The following OSBPL6 variants were observed in gnomAD, a reference collection of about 807,000 sequenced individuals.
OSBPL6 encodes the protein oxysterol-binding protein-related protein 6.
A neutral mutation model predicts 125.8 loss-of-function variants in OSBPL6; 49 were observed. That is an observed-to-expected ratio of 0.39 (90% CI 0.31 to 0.49). The LOEUF (loss-of-function observed/expected upper bound fraction) is 0.49, where lower values mean the gene tolerates loss of function less well. OSBPL6 is among the 20% of genes least tolerant of loss of function. The pLI is 0.88. For synonymous variants in OSBPL6, 394 were observed against 391.8 expected (o/e 1.01, Z -0.07); for missense variants, 986 against 1,135.4 (o/e 0.87, Z 1.89).
chr2:178,255,441 G>T (rs1338025730), intron 1 of OSBPL6, among the ~76,000 whole-genome samples: 1 of 152,226 alleles, frequency 6.6e-6, no homozygotes, highest in Non-Finnish European at 1.5e-5. Flanking sequence ...GCTCCCCAGG[G>T]ATTCAGTTAC....
chr2:178,336,221 G>T, intron 8 of OSBPL6, 80 bp from the exon 9 acceptor site: 1 of 1,485,910 alleles, frequency 6.7e-7, no homozygotes, highest in South Asian at 1.3e-5. Flanking sequence ...TTGTTAATAC[G>T]GTTTTGAGGA....
intron 2 of OSBPL6, among the ~76,000 whole-genome samples, chr2:178,288,488 C>T (rs1347524782): frequency 6.6e-6 from 1 of 152,106 alleles, no homozygotes; most frequent in Non-Finnish European, 1.5e-5. Flanking sequence ...GCCCAAACAC[C>T]TGAAAGATTT....
intron 16 of OSBPL6, 163 bp from the exon 17 acceptor site, chr2:178,382,861 T>C (rs1694609657): frequency 7.2e-7 from 1 of 1,393,116 alleles, no homozygotes; most frequent in Non-Finnish European, 9.5e-7. Context: ...TTTCTGCATT[T>C]ATTAGCAACC....
intron 12 of OSBPL6, among the ~76,000 whole-genome samples, chr2:178,360,058 C>G (rs1692189015): frequency 6.8e-6 from 1 of 147,878 alleles, no homozygotes; most frequent in South Asian, 2.3e-4. Context: ...GCACTCCATC[C>G]TGGGTGACAA....
chr2:178,309,773 C>T (rs1486529184), intron 3 of OSBPL6, among the ~76,000 whole-genome samples: 1 of 152,142 alleles, frequency 6.6e-6, no homozygotes, highest in African/African-American at 2.4e-5. Flanking sequence ...CATTAAGCTG[C>T]AATAAACATA....
At position 178,361,769 on chromosome 2, in the gene OSBPL6, A is replaced by AAGGCCACAGCAC; in HGVS notation, c.1242_1253dup (p.Gly415_Thr418dup). The AAGGCCACAGCAC allele has an allele frequency of 6.2e-7, 1 of 1,614,156 alleles. No homozygotes were observed. The highest frequency in any genetic ancestry group is 8.5e-7 in the Non-Finnish European group (1 of 1,180,012). On this transcript the variant is annotated inframe_insertion, in exon 13 of 25. Coordinates refer to ENST00000190611, the MANE Select transcript of OSBPL6 (RefSeq NM_032523.4). ...ATGGTTTCCGAGCAGGATCACAGTAAAGGCCACAGCACGCAGATGGCACGG... is the reference window on the plus strand; with the variant it reads ...ATGGTTTCCGAGCAGGATCACAGTAAAGGCCACAGCACAGGCCACAGCACGCAGATGGCACGG...
intron 1 of OSBPL6, among the ~76,000 whole-genome samples, chr2:178,220,912 T>A (rs559678345): frequency 6.6e-6 from 1 of 152,260 alleles, no homozygotes; most frequent in Admixed American, 6.5e-5. Flanking sequence ...TAACAGGACA[T>A]GGCTGGAGTG....
chr2:178,229,872 G>A (rs772850498), intron 1 of OSBPL6, among the ~76,000 whole-genome samples: 2 of 152,140 alleles, frequency 1.3e-5, no homozygotes, highest in Admixed American at 6.5e-5. Flanking sequence ...AATGCAAATA[G>A]CAACTCAGAC....
chr2:178,255,168 G>T (rs946321907), intron 1 of OSBPL6, among the ~76,000 whole-genome samples: 1 of 152,198 alleles, frequency 6.6e-6, no homozygotes, highest in Non-Finnish European at 1.5e-5. Flanking sequence ...GCTGGGCGTG[G>T]TAGCACATGC....
intron 8 of OSBPL6, among the ~76,000 whole-genome samples, chr2:178,336,071 T>G (rs1204943002): frequency 6.6e-6 from 1 of 152,220 alleles, no homozygotes; most frequent in Non-Finnish European, 1.5e-5. Context: ...ACAACACACT[T>G]AAATGTTGTC....
chr2:178,277,149 C>T (rs867483588), intron 1 of OSBPL6, among the ~76,000 whole-genome samples: 2 of 152,260 alleles, frequency 1.3e-5, no homozygotes, highest in South Asian at 4.1e-4. Flanking sequence ...TAGGATGTGT[C>T]CTAAGCATGT....
chr2:178,291,994 A>G (rs2154046194), intron 2 of OSBPL6, among the ~76,000 whole-genome samples: 1 of 152,086 alleles, frequency 6.6e-6, no homozygotes, highest in Non-Finnish European at 1.5e-5. Context: ...CAGGTTTTTT[A>G]TATAGGTAAA....
chr2:178,358,506 G>A (rs1024205476), intron 12 of OSBPL6, among the ~76,000 whole-genome samples: 1 of 152,128 alleles, frequency 6.6e-6, no homozygotes, highest in Non-Finnish European at 1.5e-5. Context: ...GAAAAGGATA[G>A]TTTGTTCAAT....
chr2:178,268,185 G>A lies in OSBPL6; in HGVS notation c.-350-16742G>A, dbSNP rs575362700. On this transcript the variant is annotated intron_variant, in intron 1 of 24. Coordinates refer to ENST00000190611, the MANE Select transcript of OSBPL6 (RefSeq NM_032523.4). ...GCAACTCTGCCTCCCAGGTTCAAGC[G>A]TTTCTTCTGCCTCAGTCTCCCAAGT... Among the ~76,000 whole-genome samples the A allele has an allele frequency of 6.6e-5, 10 of 151,654 alleles. No individual in the cohort carries two copies. The East Asian group carries it at 9.7e-4, about 15-fold the overall frequency.
chr2:178,207,592 G>C (rs1414505089), intron 1 of OSBPL6, among the ~76,000 whole-genome samples: 3 of 152,192 alleles, frequency 2.0e-5, no homozygotes, highest in African/African-American at 7.2e-5. Flanking sequence ...GGTTTTTCCA[G>C]CTGTGAGTAC....
chr2:178,247,026 G>A (rs1041798772), intron 1 of OSBPL6, among the ~76,000 whole-genome samples: 67 of 105,452 alleles, frequency 6.4e-4, no homozygotes, highest in Non-Finnish European at 8.8e-4. Flanking sequence ...ACCCCCCCAT[G>A]TTATTGTGTA....
chr2:178,258,304 T>C (rs1444636850), intron 1 of OSBPL6, among the ~76,000 whole-genome samples: 3 of 151,832 alleles, frequency 2.0e-5, no homozygotes, highest in African/African-American at 7.3e-5. Context: ...TTTTGCCATG[T>C]TGGCTGGTCT....
chr2:178,303,811 A>G (rs1038640289), intron 2 of OSBPL6, among the ~76,000 whole-genome samples: 2 of 152,076 alleles, frequency 1.3e-5, no homozygotes, highest in African/African-American at 4.8e-5. Flanking sequence ...ACAGGACTCA[A>G]TGTTGGAATT....
chr2:178,235,398 C>CTTTTTTTTTTTTTTTTTTTTTTTTTTTTT (rs540269327), intron 1 of OSBPL6, among the ~76,000 whole-genome samples: 1 of 78,040 alleles, frequency 1.3e-5, no homozygotes, highest in Non-Finnish European at 2.4e-5. Context: ...CTTTTCTTTT[C>CTTTTTTTTTTTTTTTTTTTTTTTTTTTTT]TTTTTTTTTT....
Sources: allele counts gnomAD v4.1 joint callset (sites outside exome capture counted in the v4.1 genomes callset), GRCh38; gene constraint gnomAD v4.1.1; transcripts MANE v1.5; gene names NCBI Gene and HGNC (gene_info 2026-07-23, HGNC 2026-07-21).